The following DCDC1 variants were observed in gnomAD, a reference collection of about 807,000 sequenced individuals.
The protein encoded by DCDC1 is doublecortin domain-containing protein 1.
DCDC1 carries 200 observed loss-of-function variants against 178.3 expected under a neutral mutation model. The observed-to-expected ratio is 1.12, with a 90% CI of 1.00 to 1.26. DCDC1 has a LOEUF of 1.26. Ranked by LOEUF, DCDC1 falls within the 50% of genes most tolerant of loss-of-function variation. The probability of loss-of-function intolerance (pLI) is 0.00; values close to 1 mark genes in which losing one functional copy is unlikely to be tolerated. For synonymous variants in DCDC1, 690 were observed against 604.8 expected (o/e 1.14, Z -2.07); for missense variants, 1,983 against 1,749.2 (o/e 1.13, Z -2.38).
intron 17 of DCDC1, among the ~76,000 whole-genome samples, chr11:31,079,737 T>G (rs1048207591): frequency 1.3e-5 from 2 of 151,964 alleles, no homozygotes; most frequent in African/African-American, 4.8e-5. Context: ...GTGAAGTGTA[T>G]GAAGTAGAGA....
intron 17 of DCDC1, among the ~76,000 whole-genome samples, chr11:31,089,407 G>T (rs80133871): frequency 7.2e-5 from 11 of 152,032 alleles, no homozygotes; most frequent in African/African-American, 2.2e-4. Context: ...AATGTGCCTT[G>T]GTTTTGTCTC....
At chr11:30,884,979 T>C (rs1287642770) in intron 36 of DCDC1, among the ~76,000 whole-genome samples, 3 of 151,968 alleles carry the variant, frequency 2.0e-5, no homozygotes, top group Non-Finnish European at 2.9e-5. Flanking sequence ...GGCAAGAATA[T>C]TCAAGTAAAA....
intron 20 of DCDC1, among the ~76,000 whole-genome samples, chr11:31,029,158 C>G (rs1319184248): frequency 6.6e-6 from 1 of 151,988 alleles, no homozygotes; most frequent in East Asian, 1.9e-4. Context: ...TCTGCCAACC[C>G]AAAGATCAAC....
At chr11:31,129,707 A>C (rs1393046782) in intron 10 of DCDC1, among the ~76,000 whole-genome samples, 1 of 151,686 alleles carries the variant, frequency 6.6e-6, no homozygotes, top group Non-Finnish European at 1.5e-5. Flanking sequence ...CCCCCTCCCC[A>C]GTTTGGATTA....
chr11:31,307,992 G>T, intron 3 of DCDC1, 84 bp from the exon 4 acceptor site: 1 of 1,538,846 alleles, frequency 6.5e-7, no homozygotes, highest in Non-Finnish European at 8.8e-7. Flanking sequence ...CGAGTTGTGT[G>T]CTATGTGCTA....
At chr11:31,322,102 G>A (rs779390379) in intron 3 of DCDC1, among the ~76,000 whole-genome samples, 97 of 152,122 alleles carry the variant, frequency 6.4e-4, no homozygotes, top group Non-Finnish European at 1.2e-3. Flanking sequence ...CTTTGTTATC[G>A]GTTATATGAT....
intron 16 of DCDC1, among the ~76,000 whole-genome samples, chr11:31,092,097 G>C (rs2135671430): frequency 6.6e-6 from 1 of 152,278 alleles, no homozygotes; most frequent in Non-Finnish European, 1.5e-5. Flanking sequence ...TTTTTTATAA[G>C]TGACAACCAT....
chr11:31,367,030 G>A (rs187577227), intron 1 of DCDC1, among the ~76,000 whole-genome samples: 2 of 152,296 alleles, frequency 1.3e-5, no homozygotes, highest in South Asian at 4.1e-4. Context: ...GCGCAGTGGC[G>A]CATGCCTGTA....
intron 1 of DCDC1, among the ~76,000 whole-genome samples, chr11:31,349,194 T>G (rs1308926379): frequency 6.6e-6 from 1 of 152,226 alleles, no homozygotes; most frequent in Admixed American, 6.5e-5. Context: ...TGTTGCCTTA[T>G]TCTATGCTAC....
At chr11:30,981,124 T>A (rs1422839117) in intron 20 of DCDC1, among the ~76,000 whole-genome samples, 2 of 151,916 alleles carry the variant, frequency 1.3e-5, no homozygotes, top group African/African-American at 2.4e-5. Flanking sequence ...TACTTGTAAG[T>A]GGGAGCTAAA....
chr11:30,894,097 G>A, intron 35 of DCDC1, 151 bp downstream of exon 35: 2 of 1,113,016 alleles, frequency 1.8e-6, no homozygotes, highest in Non-Finnish European at 2.4e-6. Flanking sequence ...CTCTCCAAAT[G>A]CCAACTCAAT....
chr11:31,091,378 AT>A lies in DCDC1; in HGVS notation c.2237+14del, dbSNP rs1957811795. The A allele has an allele frequency of 4.2e-6, 3 of 715,278 alleles. No homozygotes were observed. The highest frequency in any genetic ancestry group is 7.7e-6 in the Non-Finnish European group (3 of 390,526). The allele number at this position is 715,278 out of a possible 1,614,324, so 44.3% of individuals were successfully genotyped here. Reference sequence around the variant, plus strand: ...AGCATTTATTATCTTGAGCTAAATAATTTATAAGCATTACCTTTTCTGTAAG... The same window carrying A: ...AGCATTTATTATCTTGAGCTAAATAATTATAAGCATTACCTTTTCTGTAAG... On this transcript the variant is annotated intron_variant, in intron 17 of 38. Coordinates refer to ENST00000684477, the MANE Select transcript of DCDC1 (RefSeq NM_001387274.1).
At chr11:30,975,318 G>A (rs1403384798) in intron 20 of DCDC1, among the ~76,000 whole-genome samples, 1 of 151,934 alleles carries the variant, frequency 6.6e-6, no homozygotes, top group Non-Finnish European at 1.5e-5. Flanking sequence ...GCAAGACAAG[G>A]ATACCCCACT....
intron 8 of DCDC1, among the ~76,000 whole-genome samples, chr11:31,246,687 C>G (rs1454558584): frequency 6.6e-6 from 1 of 151,956 alleles, no homozygotes; most frequent in Non-Finnish European, 1.5e-5. Flanking sequence ...AGACACCATT[C>G]AAAAGCATGG....
intron 20 of DCDC1, among the ~76,000 whole-genome samples, chr11:30,958,499 G>A (rs1948898277): frequency 6.6e-6 from 1 of 152,166 alleles, no homozygotes; most frequent in Non-Finnish European, 1.5e-5. Context: ...TCTCCCAGAA[G>A]CAGTTGGCAT....
At chr11:31,365,008 G>A (rs763831322) in intron 1 of DCDC1, among the ~76,000 whole-genome samples, 1 of 152,078 alleles carries the variant, frequency 6.6e-6, no homozygotes, top group African/African-American at 2.4e-5. Context: ...TAGTATACCT[G>A]CAAGTTATTA....
At chr11:30,947,508 G>A (rs537237927) in intron 21 of DCDC1, among the ~76,000 whole-genome samples, 11 of 152,166 alleles carry the variant, frequency 7.2e-5, no homozygotes, top group African/African-American at 2.2e-4. Context: ...ATGGATATCC[G>A]TATACAGAAG....
rs565547717 is a variant in DCDC1 at position 31,094,248 on chromosome 11, C to T, written c.1984-64G>A. 8 of 737,462 alleles carry T rather than the reference C, an allele frequency of 1.1e-5. No homozygotes were observed. The Admixed American group carries it at 1.5e-4, about 13-fold the overall frequency. The allele number at this position is 737,462 out of a possible 1,614,324, so 45.7% of individuals were successfully genotyped here. A position where few individuals can be genotyped will look rare whatever the true frequency, so the allele number is the denominator to read the frequency against. On this transcript the variant is annotated intron_variant, in intron 15 of 38. Transcript: ENST00000684477. ...TCTAAGAGTTAAACTCCTCAACACA[C>T]TTACCCAAAATAAGTTATCCTAGAA...
intron 21 of DCDC1, among the ~76,000 whole-genome samples, chr11:30,945,909 T>C (rs572721944): frequency 8.5e-5 from 13 of 152,240 alleles, no homozygotes; most frequent in African/African-American, 2.9e-4. Context: ...ATATTCCAAC[T>C]AGAAGTGTCC....
Sources: gnomAD v4.1 joint callset for allele counts (sites outside exome capture counted in the v4.1 genomes callset) on GRCh38, gnomAD v4.1.1 for gene constraint, MANE v1.5 for transcripts, NCBI Gene and HGNC (gene_info 2026-07-23, HGNC 2026-07-21) for gene names.